GPC5: variants seen among roughly 807,000 people sequenced by gnomAD.
GPC5 encodes glypican-5.
In GPC5, 47 loss-of-function variants were observed where a neutral mutation model predicts 53.9. The observed-to-expected ratio is 0.87, with a 90% CI of 0.69 to 1.11. GPC5 has a LOEUF of 1.11. Ranked by LOEUF, GPC5 falls within the 50% of genes most tolerant of loss-of-function variation. The pLI, the probability that GPC5 is intolerant of heterozygous loss-of-function variation, is 0.00. For synonymous variants in GPC5, 286 were observed against 263.3 expected (o/e 1.09, Z -0.84); for missense variants, 748 against 713.1 (o/e 1.05, Z -0.56).
At chr13:92,606,365 G>C (rs1176795295) in intron 7 of GPC5, among the ~76,000 whole-genome samples, 1 of 152,062 alleles carries the variant, frequency 6.6e-6, no homozygotes, top group South Asian at 2.1e-4. Context: ...GCAATAGTTT[G>C]CCCAGAATGA....
chr13:92,333,954 AAAAC>A (rs2043305178), intron 7 of GPC5, among the ~76,000 whole-genome samples: 2 of 152,178 alleles, frequency 1.3e-5, no homozygotes, highest in Admixed American at 1.3e-4. Context: ...AAAACAAAAC[AAAAC>A]AAACAAAAAA....
At chr13:91,751,776 C>T (rs146855552) in intron 4 of GPC5, among the ~76,000 whole-genome samples, 77 of 152,268 alleles carry the variant, frequency 5.1e-4, no homozygotes, top group African/African-American at 1.6e-3. Context: ...CACATTGAAA[C>T]GAGCATACAT....
intron 2 of GPC5, among the ~76,000 whole-genome samples, chr13:91,481,524 T>A (rs961531462): frequency 2.6e-5 from 4 of 152,198 alleles, no homozygotes; most frequent in African/African-American, 9.7e-5. Context: ...ATTAGGGGAC[T>A]TTGCTACCAT....
At chr13:92,441,430 A>G (rs1415182754) in intron 7 of GPC5, among the ~76,000 whole-genome samples, 1 of 152,186 alleles carries the variant, frequency 6.6e-6, no homozygotes, top group Non-Finnish European at 1.5e-5. Context: ...ATTCTATACT[A>G]AGAAAACTCT....
intron 2 of GPC5, among the ~76,000 whole-genome samples, chr13:91,537,294 G>A (rs1281897359): frequency 3.3e-5 from 5 of 151,948 alleles, no homozygotes; most frequent in Non-Finnish European, 5.9e-5. Flanking sequence ...CTTTTAGATA[G>A]ACTGAACAAG....
chr13:92,408,181 G>A (rs1357664025), intron 7 of GPC5, among the ~76,000 whole-genome samples: 1 of 152,178 alleles, frequency 6.6e-6, no homozygotes, highest in Non-Finnish European at 1.5e-5. Flanking sequence ...GAGGGATCTA[G>A]GTTGTGTGCT....
At chr13:92,785,697 A>G (rs1876205353) in intron 7 of GPC5, among the ~76,000 whole-genome samples, 2 of 152,202 alleles carry the variant, frequency 1.3e-5, no homozygotes, top group Admixed American at 6.5e-5. Flanking sequence ...TGTATCCAGG[A>G]CAGCGTCTAG....
intron 2 of GPC5, among the ~76,000 whole-genome samples, chr13:91,513,307 C>G (rs550823904): frequency 6.6e-6 from 1 of 152,060 alleles, no homozygotes; most frequent in Non-Finnish European, 1.5e-5. Context: ...AACATTGATA[C>G]AATCTACTGG....
chr13:92,345,363 A>G (rs567130340), intron 7 of GPC5, among the ~76,000 whole-genome samples: 1 of 152,262 alleles, frequency 6.6e-6, no homozygotes, highest in African/African-American at 2.4e-5. Context: ...AAAGAGAAAA[A>G]ATAACTAACA....
At chr13:91,716,904 C>G (rs1426570500) in intron 3 of GPC5, among the ~76,000 whole-genome samples, 1 of 152,254 alleles carries the variant, frequency 6.6e-6, no homozygotes, top group South Asian at 2.1e-4. Flanking sequence ...AATTCATTTG[C>G]GTAAATGGCT....
At position 92,117,784 on chromosome 13, in the gene GPC5, A is replaced by G. The variant is rs527542573; in HGVS notation, c.1402-27046A>G. On this transcript the variant is annotated intron_variant, in intron 6 of 7. Transcript: ENST00000377067. The stretch of plus-strand genomic sequence containing the variant: ...ATTTCTAAACGTTCTTTGGTAATAT[A>G]TAGAAATATTGAGTTTGTATACAAC... Among the ~76,000 whole-genome samples, 3 of 152,332 alleles carry G rather than the reference A, an allele frequency of 2.0e-5. No homozygotes were observed. In the East Asian group the frequency reaches 5.8e-4, roughly 29 times the overall value.
At chr13:91,803,820 GAGATA>G (rs1217806730) in intron 5 of GPC5, among the ~76,000 whole-genome samples, 2 of 146,808 alleles carry the variant, frequency 1.4e-5, no homozygotes, top group African/African-American at 2.5e-5. Flanking sequence ...GAAAAGAGAT[GAGATA>G]AGATATGAGG....
chr13:91,740,167 T>G (rs2036900395), intron 4 of GPC5, among the ~76,000 whole-genome samples: 1 of 152,208 alleles, frequency 6.6e-6, no homozygotes, highest in Non-Finnish European at 1.5e-5. Flanking sequence ...TACTGATTAC[T>G]GTCTTAGGCA....
At chr13:92,139,680 A>AAAAAAAAAAAAAAAGTG (rs532196727) in intron 6 of GPC5, among the ~76,000 whole-genome samples, 1 of 140,808 alleles carries the variant, frequency 7.1e-6, no homozygotes, top group Non-Finnish European at 1.5e-5. Context: ...AAAAAAAAAA[A>AAAAAAAAAAAAAAAGTG]AAAAAGTGTT....
At chr13:92,230,671 G>C (rs2042523343) in intron 7 of GPC5, among the ~76,000 whole-genome samples, 1 of 151,990 alleles carries the variant, frequency 6.6e-6, no homozygotes, top group Non-Finnish European at 1.5e-5. Context: ...GATATAGCTT[G>C]ATAATTAGTA....
rs1199473742 is a variant in GPC5, at chr13:91,495,477, C to T, written c.325+46555C>T. ...AAACCTATACTCAATTTGACATCTTCTCTGATGTCATCCATAACTCCTCTT... is the reference window on the plus strand; with the variant it reads ...AAACCTATACTCAATTTGACATCTTTTCTGATGTCATCCATAACTCCTCTT... On this transcript the variant is annotated intron_variant, in intron 2 of 7. Coordinates refer to ENST00000377067, the MANE Select transcript of GPC5 (RefSeq NM_004466.6). Among the ~76,000 whole-genome samples, 3 of 152,186 alleles carry T rather than the reference C, an allele frequency of 2.0e-5. 1 individual carries two copies. The highest frequency in any genetic ancestry group is 4.4e-5 in the Non-Finnish European group (3 of 68,032).
chr13:91,962,006 A>G (rs1360258930), intron 6 of GPC5, among the ~76,000 whole-genome samples: 1 of 152,200 alleles, frequency 6.6e-6, no homozygotes, highest in African/African-American at 2.4e-5. Context: ...AGACAAAGTA[A>G]AAGTAGCAAC....
chr13:92,739,548 G>A (rs1177264847), intron 7 of GPC5, among the ~76,000 whole-genome samples: 2 of 151,936 alleles, frequency 1.3e-5, no homozygotes, highest in Non-Finnish European at 2.9e-5. Flanking sequence ...TGGTTTCTGT[G>A]TTTCTTTGAA....
At chr13:91,569,409 C>A (rs1309394922) in intron 2 of GPC5, among the ~76,000 whole-genome samples, 11 of 152,098 alleles carry the variant, frequency 7.2e-5, no homozygotes, top group Non-Finnish European at 1.0e-4. Context: ...CATCCTCTCT[C>A]TCTGTAATTT....
Sources: allele counts gnomAD v4.1 joint callset (sites outside exome capture counted in the v4.1 genomes callset), GRCh38; gene constraint gnomAD v4.1.1; transcripts MANE v1.5; gene names NCBI Gene and HGNC (gene_info 2026-07-23, HGNC 2026-07-21).